Variants in PITPNC1 observed in about 807,000 individuals in gnomAD.
PITPNC1 encodes the protein phosphatidylinositol transfer protein cytoplasmic 1.
Under a neutral mutation model 44.7 loss-of-function variants are expected in PITPNC1, and 18 were observed. The observed-to-expected ratio is 0.40, with a 90% confidence interval of 0.28 to 0.60. PITPNC1 has a LOEUF of 0.60. Among genes scored for constraint, PITPNC1 ranks in the 20% least tolerant of loss-of-function variants. The probability of loss-of-function intolerance (pLI) is 0.39; values close to 1 mark genes in which losing one functional copy is unlikely to be tolerated. For missense variants in PITPNC1, 290 were observed against 418.4 expected (o/e 0.69, Z 2.68); for synonymous variants, 141 against 149.6 (o/e 0.94, Z 0.42).
intron 1 of PITPNC1, among the ~76,000 whole-genome samples, chr17:67,446,681 C>T (rs1056136782): frequency 6.6e-6 from 1 of 151,840 alleles, no homozygotes; most frequent in Non-Finnish European, 1.5e-5. Flanking sequence ...CACCCCAAGT[C>T]CCCAGCAGAA....
At chr17:67,403,879 G>A (rs377500428) in intron 1 of PITPNC1, among the ~76,000 whole-genome samples, 1 of 152,138 alleles carries the variant, frequency 6.6e-6, no homozygotes, top group African/African-American at 2.4e-5. Context: ...AAAATTAGCC[G>A]TGTGTGGTGG....
At chr17:67,471,225 T>TAA (rs921967653) in intron 1 of PITPNC1, among the ~76,000 whole-genome samples, 69 of 87,034 alleles carry the variant, frequency 7.9e-4, no homozygotes, top group African/African-American at 3.1e-3. Context: ...AAAAAAAATG[T>TAA]AAAAAAAAAA....
At chr17:67,397,359 A>G (rs2038235816) in intron 1 of PITPNC1, among the ~76,000 whole-genome samples, 1 of 151,994 alleles carries the variant, frequency 6.6e-6, no homozygotes, top group South Asian at 2.1e-4. Flanking sequence ...GGTATCACAG[A>G]AGCTTCATCA....
At chr17:67,440,746 C>T (rs2039001534) in intron 1 of PITPNC1, among the ~76,000 whole-genome samples, 2 of 151,362 alleles carry the variant, frequency 1.3e-5, no homozygotes, top group Admixed American at 6.6e-5. Context: ...GGGGTCTTGC[C>T]ATGTTACCCA....
At chr17:67,584,199 G>GA in intron 5 of PITPNC1, among the ~76,000 whole-genome samples, 1 of 152,008 alleles carries the variant, frequency 6.6e-6, no homozygotes, top group Non-Finnish European at 1.5e-5. Flanking sequence ...TTTACAAAAG[G>GA]CATATGTAAA....
At chr17:67,476,105 C>T (rs1257950471) in intron 1 of PITPNC1, among the ~76,000 whole-genome samples, 1 of 152,068 alleles carries the variant, frequency 6.6e-6, no homozygotes, top group Non-Finnish European at 1.5e-5. Context: ...CTAAATTTGT[C>T]TTGATACCAA....
At chr17:67,661,808 C>G (rs1170183466) in intron 6 of PITPNC1, among the ~76,000 whole-genome samples, 1 of 152,086 alleles carries the variant, frequency 6.6e-6, no homozygotes, top group African/African-American at 2.4e-5. Flanking sequence ...ACCAGCCTGG[C>G]CAACATGGTG....
intron 1 of PITPNC1, among the ~76,000 whole-genome samples, chr17:67,491,516 C>T (rs368316545): frequency 5.3e-5 from 8 of 152,162 alleles, no homozygotes; most frequent in African/African-American, 1.7e-4. Context: ...ACAGAGCACA[C>T]GCACGCTGAT....
In PITPNC1 at chr17:67,559,001, G is replaced by A. The variant is rs114136142; in HGVS notation, c.294+5384G>A. Among the ~76,000 whole-genome samples, 527 of 152,282 alleles carry A rather than the reference G, an allele frequency of 3.5e-3. 1 individual carries two copies. The highest frequency in any genetic ancestry group is 0.012 in the African/African-American group (506 of 41,558). On this transcript the variant is annotated intron_variant, in intron 4 of 8. Coordinates refer to ENST00000581322, the MANE Select transcript of PITPNC1 (RefSeq NM_012417.4). Reference sequence around the variant, plus strand: ...TTATCTGCCCAGGAGTGGCCATGGGGAGAATGAGGTATGTTTCTGAAAGCC... The same window carrying A: ...TTATCTGCCCAGGAGTGGCCATGGGAAGAATGAGGTATGTTTCTGAAAGCC...
chr17:67,560,056 G>A (rs1372963520), intron 4 of PITPNC1, among the ~76,000 whole-genome samples: 1 of 152,110 alleles, frequency 6.6e-6, no homozygotes, highest in African/African-American at 2.4e-5. Context: ...ATTAAGTAAG[G>A]GATGGGCTAT....
At chr17:67,641,690 T>C (rs2042094127) in intron 6 of PITPNC1, among the ~76,000 whole-genome samples, 1 of 151,736 alleles carries the variant, frequency 6.6e-6, no homozygotes. Context: ...CCAGCTACTC[T>C]GGAGACTGAG....
chr17:67,655,558 C>CAAAA (rs796111267), intron 6 of PITPNC1, among the ~76,000 whole-genome samples: 688 of 42,016 alleles, frequency 0.016, 61 homozygotes, highest in African/African-American at 0.049. Flanking sequence ...AGACTCATCT[C>CAAAA]AAAAAAAAAA....
At chr17:67,655,501 A>T (rs564278996) in intron 6 of PITPNC1, among the ~76,000 whole-genome samples, 18 of 135,350 alleles carry the variant, frequency 1.3e-4, no homozygotes, top group Admixed American at 1.0e-3. Context: ...CGAGGCTTGT[A>T]GTGAGCTGAG....
intron 5 of PITPNC1, among the ~76,000 whole-genome samples, chr17:67,601,408 G>C (rs894220384): frequency 6.6e-6 from 1 of 152,134 alleles, no homozygotes; most frequent in Non-Finnish European, 1.5e-5. Context: ...TAACTTAACT[G>C]TGAAATACTG....
intron 1 of PITPNC1, among the ~76,000 whole-genome samples, chr17:67,405,846 A>G (rs1251168020): frequency 2.0e-5 from 3 of 151,996 alleles, no homozygotes; most frequent in East Asian, 1.9e-4. Flanking sequence ...AGCTCAGGTG[A>G]TCCTCCCGCC....
intron 1 of PITPNC1, among the ~76,000 whole-genome samples, chr17:67,523,869 T>C (rs2144112994): frequency 7.0e-6 from 1 of 143,504 alleles, no homozygotes; most frequent in African/African-American, 2.6e-5. Flanking sequence ...TGGAGCACAG[T>C]GGTGCAATCT....
At position 67,669,575 on chromosome 17, in the gene PITPNC1, A is replaced by G. The variant is rs779105408; in HGVS notation, c.530A>G (p.His177Arg). 2 of 1,605,056 alleles carry G rather than the reference A, an allele frequency of 1.2e-6. No individual in the cohort carries two copies. The highest frequency in any genetic ancestry group is 1.7e-6 in the Non-Finnish European group (2 of 1,173,364). Residue 177 changes from histidine (H) to arginine (R), a missense_variant, in exon 7 of 9, where the codon CAT (histidine) becomes CGT (arginine). Coordinates refer to ENST00000581322, the MANE Select transcript of PITPNC1 (RefSeq NM_012417.4). Reference sequence around the variant, plus strand: ...TTGAGGGAAGGCTGGAGAGATAGTCATCAGCCTATCATGTGCTCCTACAAG... The same window carrying G: ...TTGAGGGAAGGCTGGAGAGATAGTCGTCAGCCTATCATGTGCTCCTACAAG... The part of the protein sequence containing the change: ...GQLREGWRDS[H>R]QPIMCSYKLV...
chr17:67,543,283 G>A (rs984253205), intron 2 of PITPNC1, among the ~76,000 whole-genome samples: 5 of 152,174 alleles, frequency 3.3e-5, no homozygotes, highest in Non-Finnish European at 7.4e-5. Flanking sequence ...GATCTGAATT[G>A]TCCTGTTTTT....
chr17:67,534,568 G>A (rs1421861310), intron 2 of PITPNC1, among the ~76,000 whole-genome samples: 1 of 151,940 alleles, frequency 6.6e-6, no homozygotes, highest in African/African-American at 2.4e-5. Flanking sequence ...AGCCTGGGAG[G>A]TTGAGGGCTG....
Sources: gnomAD v4.1 joint callset for allele counts (sites outside exome capture counted in the v4.1 genomes callset) on GRCh38, gnomAD v4.1.1 for gene constraint, MANE v1.5 for transcripts, NCBI Gene and HGNC (gene_info 2026-07-23, HGNC 2026-07-21) for gene names.